The following MON2 variants were observed in gnomAD, a reference collection of about 807,000 sequenced individuals.
MON2 encodes protein MON2 homolog.
Under a neutral mutation model 208.6 loss-of-function variants are expected in MON2, and 84 were observed. That is an observed-to-expected ratio of 0.40 (90% CI 0.34 to 0.48). The LOEUF is 0.48. MON2 is among the 20% of genes least tolerant of loss of function. The pLI is 0.59. For missense variants in MON2, 1,611 were observed against 2,015.4 expected (o/e 0.80, Z 3.84); for synonymous variants, 660 against 694.0 (o/e 0.95, Z 0.77).
chr12:62,504,332 C>A (rs771576641), intron 7 of MON2, among the ~76,000 whole-genome samples: 2 of 150,976 alleles, frequency 1.3e-5, no homozygotes, highest in Non-Finnish European at 2.9e-5. Flanking sequence ...GCAAGCTCCG[C>A]CTCCCATGTT....
At chr12:62,539,836 G>A (rs201017396) in intron 19 of MON2, among the ~76,000 whole-genome samples, 1 of 151,934 alleles carries the variant, frequency 6.6e-6, no homozygotes, top group African/African-American at 2.4e-5. Flanking sequence ...GGCCAACATG[G>A]TGAAACCCCG....
rs1358696655 is a variant in MON2, at chr12:62,588,464, T to C, written c.4990+308T>C. Reference sequence around the variant, plus strand: ...TTTAATGTAGAAGATAATTGACTTATTTGGGGACAGGTGGAAAAGGGCTTT... The same window carrying C: ...TTTAATGTAGAAGATAATTGACTTACTTGGGGACAGGTGGAAAAGGGCTTT... On this transcript the variant is annotated intron_variant, in intron 34 of 34. Transcript: ENST00000393630. 3.9e-5 allele frequency among the ~76,000 whole-genome samples: 6 copies of C among 152,292 alleles called. No individual in the cohort carries two copies. The South Asian group carries it at 8.3e-4, about 21-fold the overall frequency.
rs551497152 is a variant in MON2, at chr12:62,468,164, A to C, written c.111+846A>C. ...TGCCATTTTAATTCTCTAAAAAAAA[A>C]AAACAAACAAAAAAACCCACCAAAA... is the stretch of plus-strand genomic sequence containing the variant. On this transcript the variant is annotated intron_variant, in intron 1 of 34. Transcript: ENST00000393630. Among the ~76,000 whole-genome samples the C allele has an allele frequency of 7.3e-4, 111 of 151,344 alleles. 1 individual carries two copies. Among genetic ancestry groups the C allele is most frequent in the East Asian group, 6.0e-3 (31 of 5,184 alleles).
intron 8 of MON2, among the ~76,000 whole-genome samples, chr12:62,516,233 G>A (rs1225700187): frequency 2.0e-5 from 3 of 152,116 alleles, no homozygotes; most frequent in Non-Finnish European, 2.9e-5. Context: ...ACAATTGAAC[G>A]AATGGAGAGA....
At chr12:62,588,720 A>G (rs1050379355) in intron 34 of MON2, 8 of 495,634 alleles carry the variant, frequency 1.6e-5, no homozygotes, top group African/African-American at 1.4e-4. Flanking sequence ...ACCAAATTGC[A>G]AAGAATACTC....
Position 62,469,496 on chromosome 12 carries a change from G to A in MON2, c.111+2178G>A, listed in dbSNP as rs142105437. Among the ~76,000 whole-genome samples the A allele has an allele frequency of 1.1e-3, 171 of 152,282 alleles. 2 individuals are homozygous for A. The highest frequency in any genetic ancestry group is 3.8e-3 in the African/African-American group (159 of 41,548). On this transcript the variant is annotated intron_variant, in intron 1 of 34. Coordinates refer to ENST00000393630, the MANE Select transcript of MON2 (RefSeq NM_015026.3). ...TTTTGTATATGGTACGTGTTTATAA[G>A]AATTTGTTGAATGAAAGCTTTTTGA... is the stretch of plus-strand genomic sequence containing the variant.
intron 30 of MON2, 22 bp from the exon 31 acceptor site, chr12:62,578,423 A>C: frequency 2.3e-6 from 3 of 1,298,794 alleles, no homozygotes; most frequent in Non-Finnish European, 1.1e-6. Context: ...ATCTTTAAAA[A>C]TCAAGTGTTT....
At chr12:62,507,077 T>C (rs953675329) in intron 7 of MON2, among the ~76,000 whole-genome samples, 11 of 152,220 alleles carry the variant, frequency 7.2e-5, no homozygotes, top group Non-Finnish European at 1.6e-4. Flanking sequence ...TATGCTTGTT[T>C]GCCATTGCAT....
intron 8 of MON2, among the ~76,000 whole-genome samples, chr12:62,510,023 A>G (rs1015624395): frequency 4.6e-5 from 7 of 152,198 alleles, no homozygotes; most frequent in Non-Finnish European, 8.8e-5. Context: ...ATAAAAGACT[A>G]CTAGGAAGAA....
rs869145698 is a variant in MON2 at position 62,534,518 on chromosome 12, CAAAA to C, written c.1634-305_1634-302del. On this transcript the variant is annotated intron_variant, in intron 12 of 34. Transcript: ENST00000393630. ...TGGGCAACAGAGCAAGACTCCATCG[CAAAA>C]AAAAAAAAAAAAAAAAAAAAATATA... 1.8e-4 allele frequency among the ~76,000 whole-genome samples: 12 copies of C among 67,424 alleles called. 1 individual carries two copies. The highest frequency in any genetic ancestry group is 8.0e-4 in the African/African-American group (12 of 14,930). 44.2% of individuals were successfully genotyped at this position (67,424 alleles called of 152,430 possible).
chr12:62,560,369 A>G, intron 25 of MON2, 122 bp from the exon 26 acceptor site: 2 of 977,696 alleles, frequency 2.0e-6, no homozygotes, highest in Non-Finnish European at 3.0e-6. Flanking sequence ...CTAGTCATAT[A>G]TTTTCCAGTT....
chr12:62,555,146 C>T (rs1455896488), intron 24 of MON2, among the ~76,000 whole-genome samples: 15 of 151,906 alleles, frequency 9.9e-5, no homozygotes, highest in Admixed American at 9.8e-4. Context: ...ATTGATGCCT[C>T]AACAAGTCTT....
intron 29 of MON2, among the ~76,000 whole-genome samples, chr12:62,569,661 G>A (rs2074512967): frequency 6.6e-6 from 1 of 152,056 alleles, no homozygotes; most frequent in Admixed American, 6.6e-5. Flanking sequence ...ACCCACTCTT[G>A]AACCAATGAT....
intron 1 of MON2, among the ~76,000 whole-genome samples, chr12:62,481,198 AC>A (rs2069406016): frequency 6.6e-6 from 1 of 152,116 alleles, no homozygotes; most frequent in Non-Finnish European, 1.5e-5. Context: ...CTTAAATTTT[AC>A]CGTATATTGG....
intron 27 of MON2, among the ~76,000 whole-genome samples, chr12:62,565,588 C>A (rs1196605242): frequency 6.6e-6 from 1 of 152,140 alleles, no homozygotes; most frequent in Admixed American, 6.6e-5. Flanking sequence ...TTATGACTTT[C>A]CTCTTCCAAC....
intron 1 of MON2, among the ~76,000 whole-genome samples, chr12:62,481,973 T>C (rs2069469175): frequency 6.6e-6 from 1 of 152,180 alleles, no homozygotes; most frequent in Non-Finnish European, 1.5e-5. Context: ...CCGTTACGGC[T>C]GTGTCTGCTG....
intron 1 of MON2, among the ~76,000 whole-genome samples, chr12:62,480,613 A>C (rs994858504): frequency 6.6e-6 from 1 of 152,206 alleles, no homozygotes; most frequent in Non-Finnish European, 1.5e-5. Context: ...GTGTGTTTGC[A>C]TAAAGATATT....
chr12:62,505,840 A>T (rs2071072490), intron 7 of MON2, among the ~76,000 whole-genome samples: 1 of 152,148 alleles, frequency 6.6e-6, no homozygotes, highest in Non-Finnish European at 1.5e-5. Context: ...GCAGTGAGCC[A>T]TGATCATACC....
At chr12:62,467,387 C>T in intron 1 of MON2, 69 bp downstream of exon 1, 1 of 1,275,984 alleles carries the variant, frequency 7.8e-7, no homozygotes, top group Non-Finnish European at 1.1e-6. Flanking sequence ...CAGTGCTTCA[C>T]CCCAGTTTCC....
Sources: gnomAD v4.1 joint callset for allele counts (sites outside exome capture counted in the v4.1 genomes callset) on GRCh38, gnomAD v4.1.1 for gene constraint, MANE v1.5 for transcripts, NCBI Gene and HGNC (gene_info 2026-07-23, HGNC 2026-07-21) for gene names.